The following TPGS2 variants were observed in gnomAD, a reference collection of about 807,000 sequenced individuals.
The protein encoded by TPGS2 is polyglutamylase subunit 2.
TPGS2 carries 26 observed loss-of-function variants against 31.1 expected under a neutral mutation model. That is an observed-to-expected ratio of 0.84 (90% CI 0.61 to 1.16). The LOEUF (loss-of-function observed/expected upper bound fraction) is 1.16. Among genes scored for constraint, TPGS2 ranks in the 50% most tolerant of loss-of-function variants. The probability of loss-of-function intolerance (pLI) is 0.00; values close to 1 mark genes in which losing one functional copy is unlikely to be tolerated. For synonymous variants in TPGS2, 130 were observed against 136.6 expected, an observed-to-expected ratio of 0.95 and a Z score of 0.34; for missense variants, 351 against 363.8, an observed-to-expected ratio of 0.96 and a Z score of 0.29.
rs900775474 is a variant in TPGS2 at position 36,823,443 on chromosome 18, T to C, written c.86-4470A>G. The stretch of plus-strand genomic sequence containing the variant: ...TTTTCCTACCTCAAATCTCTCTGAC[T>C]TCCTTGTTAACAGCTTGTTTTTTTT... On this transcript the variant is annotated intron_variant, in intron 1 of 6. Transcript: ENST00000334295. Among the ~76,000 whole-genome samples the C allele has an allele frequency of 3.3e-5, 5 of 151,044 alleles. No homozygotes were observed. The Admixed American group carries it at 3.3e-4, about 10-fold the overall frequency.
At chr18:36,788,786 G>A (rs904051874) in intron 6 of TPGS2, 7 of 152,148 alleles carry the variant, frequency 4.6e-5, no homozygotes, top group Non-Finnish European at 8.8e-5. Context: ...CATGCAATGT[G>A]TAATAATCAA....
intron 6 of TPGS2, chr18:36,787,069 T>C (rs952913612): frequency 8.1e-7 from 1 of 1,232,876 alleles, no homozygotes; most frequent in African/African-American, 1.6e-5. Flanking sequence ...CATTTTGATA[T>C]TATAAGTTAT....
chr18:36,803,899 T>C (rs538165846), intron 4 of TPGS2, among the ~76,000 whole-genome samples: 50 of 152,282 alleles, frequency 3.3e-4, no homozygotes, highest in African/African-American at 1.1e-3. Context: ...GTGTTTTTTT[T>C]TTAAATAGTG....
At chr18:36,813,956 G>A (rs1486401225) in intron 2 of TPGS2, among the ~76,000 whole-genome samples, 1 of 152,148 alleles carries the variant, frequency 6.6e-6, no homozygotes, top group Non-Finnish European at 1.5e-5. Flanking sequence ...TAAATTCACA[G>A]TGGGGCGTGT....
downstream of TPGS2, among the ~76,000 whole-genome samples, chr18:36,793,437 C>T (rs1010645444): frequency 6.6e-6 from 1 of 152,182 alleles, no homozygotes; most frequent in Non-Finnish European, 1.5e-5. Flanking sequence ...CCATCTGAAC[C>T]AGACTGGCTT....
At position 36,795,861 on chromosome 18, in the gene TPGS2, A is replaced by G. The variant is rs1600740506; in HGVS notation, c.*944T>C. 1 of 985,486 alleles carries G rather than the reference A, an allele frequency of 1.0e-6. No individual in the cohort carries two copies. Among genetic ancestry groups the G allele is most frequent in the Non-Finnish European group, 1.2e-6 (1 of 829,946 alleles). 61.0% of individuals were successfully genotyped at this position (985,486 alleles called of 1,614,324 possible). ...GTGAAGAGGCAGGCAGAGCAGGTGG[A>G]AAGCTTCTGTTAACAGTGTCTGGCA... On this transcript the variant is annotated 3_prime_UTR_variant, in exon 7 of 7. Transcript: ENST00000334295.
At chr18:36,827,352 A>G (rs1600861304) in intron 1 of TPGS2, among the ~76,000 whole-genome samples, 2 of 152,258 alleles carry the variant, frequency 1.3e-5, no homozygotes, top group African/African-American at 4.8e-5. Flanking sequence ...GACGGCGGTT[A>G]TTCGAACTAT....
chr18:36,793,802 A>G (rs1438371540), downstream of TPGS2, among the ~76,000 whole-genome samples: 1 of 150,704 alleles, frequency 6.6e-6, no homozygotes, highest in Non-Finnish European at 1.5e-5. Flanking sequence ...CAGTGGTATG[A>G]TCTCGGCTCA....
In TPGS2 at chr18:36,796,738, C is replaced by A. The variant is rs941743011; in HGVS notation, c.*67G>T. Reference sequence around the variant, plus strand: ...GGTCCACACGCAAAACTGGAGGTCACCCCTAGGGCCATCTGTGCATGGAAA... The same window carrying A: ...GGTCCACACGCAAAACTGGAGGTCAACCCTAGGGCCATCTGTGCATGGAAA... On this transcript the variant is annotated 3_prime_UTR_variant, in exon 7 of 7. Coordinates refer to ENST00000334295, the MANE Select transcript of TPGS2 (RefSeq NM_015476.4). 5.8e-6 allele frequency: 9 copies of A among 1,559,138 alleles called. No homozygotes were observed. The highest frequency in any genetic ancestry group is 7.7e-6 in the Non-Finnish European group (9 of 1,162,806).
chr18:36,822,836 T>C (rs1016457768), intron 1 of TPGS2, among the ~76,000 whole-genome samples: 2 of 152,160 alleles, frequency 1.3e-5, no homozygotes, highest in South Asian at 4.1e-4. Context: ...TGGCCTCAAG[T>C]GATTTTCCCA....
intron 6 of TPGS2, chr18:36,798,052 G>T: frequency 4.6e-6 from 3 of 649,054 alleles, no homozygotes; most frequent in Non-Finnish European, 4.0e-6. Flanking sequence ...TGAGTATCTT[G>T]GGAAGGGCGT....
At chr18:36,780,289 T>C (rs2043974460), downstream of TPGS2, 2 of 886,230 alleles carry the variant, frequency 2.3e-6, no homozygotes, top group Admixed American at 4.3e-5. Flanking sequence ...TTAGCTGTTG[T>C]TAACCTAACA....
At position 36,821,262 on chromosome 18, in the gene TPGS2, G is replaced by A. The variant is rs1283274186; in HGVS notation, c.86-2289C>T. 3 of 152,262 alleles carry A rather than the reference G, an allele frequency of 2.0e-5. No individual in the cohort carries two copies. The East Asian group carries it at 5.8e-4, about 29-fold the overall frequency. The allele number at this position is 152,262 out of a possible 1,614,324, so 9.4% of individuals were successfully genotyped here. On this transcript the variant is annotated intron_variant, in intron 1 of 6. Transcript: ENST00000334295. ...TCCAAGCTACTCTTTTGGAGAGAGAGGGCATACTGAGAAGTACTGAGGGGG... is the reference window on the plus strand; with the variant it reads ...TCCAAGCTACTCTTTTGGAGAGAGAAGGCATACTGAGAAGTACTGAGGGGG...
intron 6 of TPGS2, 73 bp downstream of exon 6, chr18:36,798,376 C>A: frequency 6.3e-7 from 1 of 1,598,856 alleles, no homozygotes; most frequent in Non-Finnish European, 8.5e-7. Flanking sequence ...AGTTGGGAAC[C>A]TGCAATGTAA....
At chr18:36,782,651 C>G (rs2044044396), downstream of TPGS2, among the ~76,000 whole-genome samples, 1 of 151,998 alleles carries the variant, frequency 6.6e-6, no homozygotes, top group Non-Finnish European at 1.5e-5. Context: ...TTCGCAAAAC[C>G]AGTAATAATT....
rs114874124 is a variant in TPGS2 at position 36,783,755 on chromosome 18, C to T, written c.658-624G>A. On this transcript the variant is annotated intron_variant, in intron 6 of 6. Transcript: ENST00000587129. ...ACCTAAGATGGTGTATCACCAAATA[C>T]CACTGTAACAGGTTGAATGACAGCC... Among the ~76,000 whole-genome samples, 591 of 152,304 alleles carry T rather than the reference C, an allele frequency of 3.9e-3. 3 individuals carry two copies. Among genetic ancestry groups the T allele is most frequent in the African/African-American group, 0.013 (531 of 41,558 alleles).
At position 36,794,929 on chromosome 18, in the gene TPGS2, A is replaced by G. The variant is rs564819615; in HGVS notation, c.*1876T>C. 2 of 985,150 alleles carry G rather than the reference A, an allele frequency of 2.0e-6. No individual in the cohort carries two copies. The highest frequency in any genetic ancestry group is 3.5e-5 in the African/African-American group (2 of 57,186). 61.0% of individuals were successfully genotyped at this position (985,150 alleles called of 1,614,324 possible). A position where few individuals can be genotyped will look rare whatever the true frequency, so the allele number is the denominator to read the frequency against. Reference sequence around the variant, plus strand: ...TATAAGTGGTTAGTTTTGGGATTGAAAAGGTAAGAGGTCTCGCTATTTTAA... The same window carrying G: ...TATAAGTGGTTAGTTTTGGGATTGAGAAGGTAAGAGGTCTCGCTATTTTAA... On this transcript the variant is annotated 3_prime_UTR_variant, in exon 7 of 7. Coordinates refer to ENST00000334295, the MANE Select transcript of TPGS2 (RefSeq NM_015476.4).
At chr18:36,828,242 T>C (rs946869428) in intron 1 of TPGS2, among the ~76,000 whole-genome samples, 12 of 152,162 alleles carry the variant, frequency 7.9e-5, no homozygotes, top group Non-Finnish European at 1.3e-4. Flanking sequence ...TGGTGCAAGG[T>C]TGGATTCCTT....
chr18:36,815,558 C>A (rs972542771), intron 2 of TPGS2, among the ~76,000 whole-genome samples: 47 of 152,226 alleles, frequency 3.1e-4, no homozygotes, highest in African/African-American at 1.0e-3. Context: ...CACCCACACA[C>A]ATAACCAAAA....
Sources: allele counts gnomAD v4.1 joint callset (sites outside exome capture counted in the v4.1 genomes callset), GRCh38; gene constraint gnomAD v4.1.1; transcripts MANE v1.5; gene names NCBI Gene and HGNC (gene_info 2026-07-23, HGNC 2026-07-21).